SPNS3: variants seen among roughly 807,000 people sequenced by gnomAD.
SPNS3 encodes protein spinster homolog 3.
SPNS3 carries 51 observed loss-of-function variants against 54.4 expected under a neutral mutation model. That is an observed-to-expected ratio of 0.94 (90% CI 0.75 to 1.18). The LOEUF (loss-of-function observed/expected upper bound fraction) is 1.18, where lower values mean the gene tolerates loss of function less well. Ranked by LOEUF, SPNS3 falls within the 50% of genes most tolerant of loss-of-function variation. The pLI, the probability that SPNS3 is intolerant of heterozygous loss-of-function variation, is 0.00. For synonymous variants in SPNS3, 309 were observed against 294.7 expected (o/e 1.05, Z -0.50); for missense variants, 669 against 677.4 (o/e 0.99, Z 0.14).
rs1258869334 is a variant in SPNS3, at chr17:4,445,015, C to A, written c.266-17C>A. 3.1e-6 allele frequency: 5 copies of A among 1,610,706 alleles called. No homozygotes were observed. Among genetic ancestry groups the A allele is most frequent in the Admixed American group, 1.7e-5 (1 of 59,776 alleles). ...GGTCGTGGGGGGATCCAGGCTGCCC[C>A]TGTGTGTCTCCTTCAGTCTTCGTTA... On this transcript the variant is annotated splice_polypyrimidine_tract_variant and intron_variant, in intron 2 of 11. Transcript: ENST00000355530.
intron 8 of SPNS3, among the ~76,000 whole-genome samples, chr17:4,469,730 T>C (rs1232163172): frequency 2.6e-5 from 4 of 151,716 alleles, no homozygotes; most frequent in African/African-American, 9.7e-5. Flanking sequence ...ACCAAGGGCA[T>C]GAGCATAGAC....
At position 4,453,119 on chromosome 17, in the gene SPNS3, C is replaced by T. The variant is rs1971212184; in HGVS notation, c.1027C>T (p.Leu343Phe). 6.2e-7 allele frequency: 1 copy of T among 1,614,080 alleles called. No individual in the cohort carries two copies. Among genetic ancestry groups the T allele is most frequent in the East Asian group, 2.2e-5 (1 of 44,864 alleles). The change falls in exon 8 of 12, where the codon CTC becomes TTC. Residue 343 changes from leucine (L) to phenylalanine (F), a missense_variant. By Grantham distance (22) the Leu-to-Phe change is conservative. Transcript: ENST00000355530. ...YKKVIPGAEPLICASSLLATA... is the reference protein window; with the variant it reads ...YKKVIPGAEPFICASSLLATA... ...GAAAGTCATTCCAGGAGCTGAGCCCCTCATCTGCGCCTCCAGCCTGCTTGC... is the reference window on the plus strand; with the variant it reads ...GAAAGTCATTCCAGGAGCTGAGCCCTTCATCTGCGCCTCCAGCCTGCTTGC...
intron 6 of SPNS3, among the ~76,000 whole-genome samples, chr17:4,448,566 C>A (rs985548587): frequency 3.9e-5 from 6 of 152,212 alleles, no homozygotes; most frequent in African/African-American, 1.4e-4. Context: ...TCTGCCCTGC[C>A]CATAAGTGGC....
chr17:4,476,346 A>G (rs931511640), intron 8 of SPNS3, among the ~76,000 whole-genome samples: 26 of 152,048 alleles, frequency 1.7e-4, no homozygotes, highest in Admixed American at 3.3e-4. Context: ...GATGGGCTCT[A>G]TTTTGGGGCC....
At chr17:4,460,020 G>C (rs72819689) in intron 8 of SPNS3, among the ~76,000 whole-genome samples, 119 of 152,230 alleles carry the variant, frequency 7.8e-4, no homozygotes, top group African/African-American at 2.7e-3. Flanking sequence ...CCTGTAGGGG[G>C]TGAAGTAGTG....
rs553203604 is a variant in SPNS3, at chr17:4,483,415, G to A, written c.1180-2813G>A. 1.3e-5 allele frequency: 2 copies of A among 152,252 alleles called. No individual in the cohort carries two copies. Among genetic ancestry groups the A allele is most frequent in the Non-Finnish European group, 2.9e-5 (2 of 68,076 alleles). 9.4% of individuals were successfully genotyped at this position (152,252 alleles called of 1,614,324 possible). On this transcript the variant is annotated intron_variant, in intron 9 of 11. Transcript: ENST00000355530. This position sits in a 1 kb window ranked among gnomAD's most constrained non-coding sequence, Gnocchi z 4.2. ...CAGCCTTGGCTGCTGGCTGCACGGA[G>A]ACAATGAGGACTTGGAACAGGCTGG...
At chr17:4,469,464 T>C (rs1390999249) in intron 8 of SPNS3, among the ~76,000 whole-genome samples, 2 of 151,624 alleles carry the variant, frequency 1.3e-5, no homozygotes, top group Non-Finnish European at 2.9e-5. Flanking sequence ...ACTAAAAATA[T>C]AGAAATTAGC....
At position 4,488,038 on chromosome 17, in the gene SPNS3, A is replaced by G. The variant is rs919972433; in HGVS notation, c.*144A>G. The G allele has an allele frequency of 1.1e-5, 8 of 708,996 alleles. No individual in the cohort carries two copies. Among genetic ancestry groups the G allele is most frequent in the African/African-American group, 8.9e-5 (5 of 56,428 alleles). 43.9% of individuals were successfully genotyped at this position (708,996 alleles called of 1,614,324 possible). A position where few individuals can be genotyped will look rare whatever the true frequency, so the allele number is the denominator to read the frequency against. On this transcript the variant is annotated 3_prime_UTR_variant, in exon 12 of 12. Coordinates refer to ENST00000355530, the MANE Select transcript of SPNS3 (RefSeq NM_182538.5). ...AATTCCCGGCTGGAGAGCTGGCAGG[A>G]CCCTGTGGCTGGGCTGGGAATGGAG...
chr17:4,463,860 AGT>A (rs1188066709), intron 8 of SPNS3, among the ~76,000 whole-genome samples: 2 of 152,018 alleles, frequency 1.3e-5, no homozygotes, highest in Non-Finnish European at 2.9e-5. Context: ...GGTGTGTATG[AGT>A]GTGTCGATGT....
chr17:4,454,780 C>T (rs1873319720), intron 8 of SPNS3, among the ~76,000 whole-genome samples: 1 of 151,776 alleles, frequency 6.6e-6, no homozygotes, highest in South Asian at 2.1e-4. Flanking sequence ...ACCACCAAGC[C>T]CGGCTAATTT....
chr17:4,440,150 C>T (rs1375753058), intron 2 of SPNS3, among the ~76,000 whole-genome samples: 1 of 152,146 alleles, frequency 6.6e-6, no homozygotes, highest in Non-Finnish European at 1.5e-5. Context: ...ACAGGCACAT[C>T]CCCCCACATG....
At chr17:4,484,517 CGCCATGTTGGCCAG>C (rs1427667876) in intron 9 of SPNS3, among the ~76,000 whole-genome samples, 1 of 152,100 alleles carries the variant, frequency 6.6e-6, no homozygotes, top group Non-Finnish European at 1.5e-5. Flanking sequence ...GATGGGATTT[CGCCATGTTGGCCAG>C]GCTGGTCTTG....
chr17:4,482,458 AC>A (rs1157867180), intron 9 of SPNS3: 1 of 152,094 alleles, frequency 6.6e-6, no homozygotes, highest in African/African-American at 2.4e-5. Context: ...CTTTGAGAAC[AC>A]TGGTCTCACG....
At chr17:4,449,098 A>G in intron 6 of SPNS3, 137 bp from the exon 7 acceptor site, 2 of 1,025,936 alleles carry the variant, frequency 1.9e-6, no homozygotes. Flanking sequence ...AGGGGGTAGC[A>G]AATGCTACCT....
At chr17:4,476,673 C>T (rs929747341) in intron 8 of SPNS3, among the ~76,000 whole-genome samples, 4 of 152,178 alleles carry the variant, frequency 2.6e-5, no homozygotes, top group Non-Finnish European at 5.9e-5. Context: ...CTGAGACCTG[C>T]CTGCCAGCGA....
At chr17:4,452,283 G>C (rs866244733) in intron 7 of SPNS3, among the ~76,000 whole-genome samples, 1 of 152,062 alleles carries the variant, frequency 6.6e-6, no homozygotes, top group African/African-American at 2.4e-5. Flanking sequence ...TTTTTGTAGA[G>C]ACAAAATCTT....
intron 8 of SPNS3, among the ~76,000 whole-genome samples, chr17:4,476,878 C>T (rs1972016305): frequency 6.6e-6 from 1 of 152,216 alleles, no homozygotes; most frequent in Non-Finnish European, 1.5e-5. Flanking sequence ...AGAGCTGGGC[C>T]GCGTTCCTGT....
intron 9 of SPNS3, among the ~76,000 whole-genome samples, chr17:4,480,301 C>T (rs907956182): frequency 1.3e-5 from 2 of 152,232 alleles, no homozygotes; most frequent in Admixed American, 6.5e-5. Context: ...CCTCAGTTTC[C>T]TTGTCTATAA....
In SPNS3 at chr17:4,446,956, C is replaced by T. The variant is rs756558102; in HGVS notation, c.615C>T (p.Ala205=). The T allele has an allele frequency of 1.2e-6, 2 of 1,614,098 alleles. No homozygotes were observed. The highest frequency in any genetic ancestry group is 1.7e-6 in the Non-Finnish European group (2 of 1,179,986). ...TGCTGACTGGGAACTGGCGCTGGGC[C>T]CTCCGAGTGAGTCCAGCTTCCTTTT... ...VTMLTGNWRW[A]LRVMPCLEAV... is the part of the protein sequence containing the mutation. Residue 205 remains alanine (A), a synonymous_variant, in exon 5 of 12, where the codon GCC becomes GCT. Coordinates refer to ENST00000355530, the MANE Select transcript of SPNS3 (RefSeq NM_182538.5).
Sources: allele counts gnomAD v4.1 joint callset (sites outside exome capture counted in the v4.1 genomes callset), GRCh38; gene constraint gnomAD v4.1.1; non-coding constraint Gnocchi (gnomAD v3.1); transcripts MANE v1.5; gene names NCBI Gene and HGNC (gene_info 2026-07-23, HGNC 2026-07-21).